The following ADAMTSL3 variants were observed in gnomAD, a reference collection of about 807,000 sequenced individuals.
ADAMTSL3 encodes ADAMTS-like protein 3.
A neutral mutation model predicts 201.7 loss-of-function variants in ADAMTSL3; 128 were observed. The ratio of observed to expected loss-of-function variants is 0.63; its 90% confidence interval spans 0.55 to 0.73. ADAMTSL3 has a LOEUF of 0.73. Among genes scored for constraint, ADAMTSL3 ranks in the 30% least tolerant of loss-of-function variants. The pLI, the probability that ADAMTSL3 is intolerant of heterozygous loss-of-function variation, is 0.00. For missense variants in ADAMTSL3, 1,990 were observed against 2,119.6 expected (o/e 0.94, Z 1.20); for synonymous variants, 738 against 748.4 (o/e 0.99, Z 0.23).
intron 10 of ADAMTSL3, among the ~76,000 whole-genome samples, chr15:83,886,656 C>T (rs2065397496): frequency 6.6e-6 from 1 of 152,172 alleles, no homozygotes; most frequent in African/African-American, 2.4e-5. Context: ...CTTCTCCAGC[C>T]CAGCCTAGCT....
At chr15:83,655,432 G>C (rs949503148) in intron 1 of ADAMTSL3, among the ~76,000 whole-genome samples, 1 of 152,086 alleles carries the variant, frequency 6.6e-6, no homozygotes, top group African/African-American at 2.4e-5. Flanking sequence ...TGCCAATAGC[G>C]ACACCCTGCT....
intron 6 of ADAMTSL3, among the ~76,000 whole-genome samples, chr15:83,822,629 G>T (rs1335831308): frequency 3.3e-5 from 5 of 151,324 alleles, no homozygotes; most frequent in African/African-American, 4.9e-5. Context: ...TCACTTCCTA[G>T]ATGGGATGGT....
At chr15:84,017,231 C>T (rs1487966650) in intron 25 of ADAMTSL3, among the ~76,000 whole-genome samples, 1 of 152,180 alleles carries the variant, frequency 6.6e-6, no homozygotes, top group Non-Finnish European at 1.5e-5. Flanking sequence ...CATTCTCCTG[C>T]CTCAGCCTCC....
At chr15:83,930,373 T>G (rs139260626) in intron 17 of ADAMTSL3, among the ~76,000 whole-genome samples, 208 of 152,330 alleles carry the variant, frequency 1.4e-3, no homozygotes, top group African/African-American at 3.6e-3. Flanking sequence ...AGCCTTGGTT[T>G]GACCTGCCCA....
chr15:83,922,350 CAGAATGGGTTAT>C, intron 16 of ADAMTSL3, among the ~76,000 whole-genome samples: 1 of 152,106 alleles, frequency 6.6e-6, no homozygotes, highest in South Asian at 2.1e-4. Context: ...CAATTCCACC[CAGAATGGGTTAT>C]AATGGGGCTT....
intron 7 of ADAMTSL3, among the ~76,000 whole-genome samples, chr15:83,853,836 A>G (rs1360930096): frequency 6.6e-6 from 1 of 152,164 alleles, no homozygotes; most frequent in Admixed American, 6.5e-5. Flanking sequence ...TCACTACTGT[A>G]CATTTTTTCA....
intron 15 of ADAMTSL3, among the ~76,000 whole-genome samples, chr15:83,910,490 A>C (rs2065911392): frequency 6.8e-6 from 1 of 146,454 alleles, no homozygotes; most frequent in African/African-American, 2.5e-5. Context: ...CCTTTAAGTC[A>C]CTTCTTGTTA....
chr15:83,918,578 G>A (rs1200013435), intron 16 of ADAMTSL3, among the ~76,000 whole-genome samples: 1 of 152,140 alleles, frequency 6.6e-6, no homozygotes, highest in Admixed American at 6.5e-5. Flanking sequence ...GCCAGCAGAA[G>A]GGTGCATGGT....
intron 4 of ADAMTSL3, among the ~76,000 whole-genome samples, chr15:83,780,075 AGAGCTG>A (rs2063142306): frequency 6.6e-6 from 1 of 152,150 alleles, no homozygotes; most frequent in African/African-American, 2.4e-5. Flanking sequence ...GAAATAAATC[AGAGCTG>A]AACTGAAGGA....
At chr15:83,843,235 A>G (rs2064419397) in intron 7 of ADAMTSL3, among the ~76,000 whole-genome samples, 1 of 127,730 alleles carries the variant, frequency 7.8e-6, no homozygotes, top group Non-Finnish European at 1.6e-5. Context: ...AAGAACCCCT[A>G]AAATGTCCTT....
chr15:83,721,733 G>T (rs1183698122), intron 3 of ADAMTSL3, among the ~76,000 whole-genome samples: 2 of 151,964 alleles, frequency 1.3e-5, no homozygotes, highest in East Asian at 1.9e-4. Context: ...TATGTGTTTT[G>T]TTTGTTTGTT....
Position 83,691,332 on chromosome 15 carries a change from T to C in ADAMTSL3, c.70-13057T>C, listed in dbSNP as rs1273296601. Among the ~76,000 whole-genome samples the C allele has an allele frequency of 3.3e-5, 5 of 152,204 alleles. 1 individual carries two copies. The South Asian group carries it at 1.0e-3, about 32-fold the overall frequency. On this transcript the variant is annotated intron_variant, in intron 2 of 29. Transcript: ENST00000286744. ...CCGCTGTGGAGAATTTTGGAGTTCA[T>C]CTAACACATGTTGCCCACCTTTAGC...
intron 5 of ADAMTSL3, among the ~76,000 whole-genome samples, chr15:83,814,521 G>A (rs1596255926): frequency 6.6e-6 from 1 of 152,040 alleles, no homozygotes; most frequent in African/African-American, 2.4e-5. Context: ...GTCGTTTCCC[G>A]AATCTTATCC....
chr15:83,904,874 G>A (rs1324332020), intron 15 of ADAMTSL3, among the ~76,000 whole-genome samples: 1 of 152,164 alleles, frequency 6.6e-6, no homozygotes, highest in Non-Finnish European at 1.5e-5. Context: ...CTCCATTTGT[G>A]GAGATTATAT....
chr15:84,027,844 A>T (rs2068338712), intron 27 of ADAMTSL3, among the ~76,000 whole-genome samples: 1 of 149,480 alleles, frequency 6.7e-6, no homozygotes, highest in South Asian at 2.1e-4. Context: ...CCATAATAAT[A>T]AAAAAAATGG....
rs369796091 is a variant in ADAMTSL3, at chr15:83,942,984, C to G, written c.2392C>G (p.Leu798Val). 2.2e-5 allele frequency: 35 copies of G among 1,613,962 alleles called. No homozygotes were observed. Among genetic ancestry groups the G allele is most frequent in the Non-Finnish European group, 2.5e-5 (30 of 1,179,998 alleles). ...QLLTDGSFLN[L>V]SDELCQGPKA... ...GCTAACGGATGGCAGCTTTTTGAATCTCTCAGATGAATTGTGCCAAGGACC... is the reference window on the plus strand; with the variant it reads ...GCTAACGGATGGCAGCTTTTTGAATGTCTCAGATGAATTGTGCCAAGGACC... The change falls in exon 19 of 30, where the codon CTC becomes GTC. Residue 798 changes from leucine to valine, a missense_variant. Transcript: ENST00000286744.
At chr15:83,923,055 G>A (rs2066177348) in intron 16 of ADAMTSL3, among the ~76,000 whole-genome samples, 1 of 152,016 alleles carries the variant, frequency 6.6e-6, no homozygotes, top group Non-Finnish European at 1.5e-5. Context: ...AGACCTGTCT[G>A]GCCCCAAAGG....
intron 9 of ADAMTSL3, among the ~76,000 whole-genome samples, chr15:83,881,636 C>A (rs895134061): frequency 1.3e-5 from 2 of 149,468 alleles, no homozygotes; most frequent in Admixed American, 1.3e-4. Context: ...AGGTGGATCA[C>A]CTGCTGTCAG....
chr15:83,975,771 G>T (rs1277502848), intron 20 of ADAMTSL3, among the ~76,000 whole-genome samples: 1 of 152,104 alleles, frequency 6.6e-6, no homozygotes, highest in Non-Finnish European at 1.5e-5. Flanking sequence ...AAGTTTGGGG[G>T]AACTTCAGCA....
Sources: allele counts gnomAD v4.1 joint callset (sites outside exome capture counted in the v4.1 genomes callset), GRCh38; gene constraint gnomAD v4.1.1; transcripts MANE v1.5; gene names NCBI Gene and HGNC (gene_info 2026-07-23, HGNC 2026-07-21).